Variants in TBC1D15 observed in about 807,000 individuals in gnomAD.
TBC1D15 encodes GAP for RAB7.
Under a neutral mutation model 95.4 loss-of-function variants are expected in TBC1D15, and 39 were observed. The ratio of observed to expected loss-of-function variants is 0.41; its 90% CI spans 0.32 to 0.53. TBC1D15 has a LOEUF of 0.53. TBC1D15 is among the 20% of genes least tolerant of loss of function. The pLI is 0.29. For synonymous variants in TBC1D15, 258 were observed against 261.3 expected, an observed-to-expected ratio of 0.99 and a Z score of 0.12; for missense variants, 733 against 794.3, an observed-to-expected ratio of 0.92 and a Z score of 0.93.
intron 1 of TBC1D15, among the ~76,000 whole-genome samples, chr12:71,848,368 A>G (rs1486113773): frequency 6.6e-6 from 1 of 152,188 alleles, no homozygotes; most frequent in Non-Finnish European, 1.5e-5. Context: ...CAGTCATTTT[A>G]ATTTTAGCCA....
At chr12:71,880,708 G>T (rs1039415130) in intron 4 of TBC1D15, 101 bp downstream of exon 4, 2 of 1,294,408 alleles carry the variant, frequency 1.5e-6, no homozygotes, top group Non-Finnish European at 2.0e-6. Context: ...TGAGAAGGAT[G>T]ATTAATTTCT....
intron 1 of TBC1D15, chr12:71,849,367 A>G: frequency 7.2e-7 from 1 of 1,392,098 alleles, no homozygotes; most frequent in Admixed American, 1.7e-5. Flanking sequence ...TTGTCCAAGG[A>G]ATGAAAGCAG....
rs1331478937 is a variant in TBC1D15, at chr12:71,849,604, G to C, written c.30+9793G>C. On this transcript the variant is annotated intron_variant, in intron 1 of 16. Coordinates refer to ENST00000485960, the MANE Select transcript of TBC1D15 (RefSeq NM_001146213.3). ...ATAATACTTTGTGAATCATCAGTCA[G>C]TACCGTAAGCTCCTAAGCTGCATTG... The C allele has an allele frequency of 8.1e-6, 5 of 616,998 alleles. No homozygotes were observed. In the Admixed American group the frequency reaches 1.1e-4, roughly 13 times the overall value. The allele number at this position is 616,998 out of a possible 1,614,324, so 38.2% of individuals were successfully genotyped here. A position where few individuals can be genotyped will look rare whatever the true frequency, so the allele number is the denominator to read the frequency against.
chr12:71,840,396 A>G (rs975978482), intron 1 of TBC1D15, among the ~76,000 whole-genome samples: 3 of 152,190 alleles, frequency 2.0e-5, no homozygotes, highest in African/African-American at 7.2e-5. Flanking sequence ...GATTTACACC[A>G]TCCTGTGCTT....
chr12:71,907,127 A>C lies in TBC1D15; in HGVS notation c.1289A>C (p.Asp430Ala). 6.3e-7 allele frequency: 1 copy of C among 1,586,368 alleles called. No homozygotes were observed. Among genetic ancestry groups the C allele is most frequent in the Non-Finnish European group, 8.6e-7 (1 of 1,161,050 alleles). Residue 430 changes from aspartate (D) to alanine (A), a missense_variant, in exon 11 of 17, where the codon GAT (aspartate) becomes GCT (alanine). Asp to Ala is a moderately radical substitution (Grantham distance 126). Transcript: ENST00000485960. ...HDILMTYCMY[D>A]FDLGYVQGMS... ...ATTTTGATGACCTACTGTATGTATG[A>C]TTTTGATTTAGGTAAGTTCTCTAAA...
chr12:71,915,927 TC>T (rs1283731168), intron 12 of TBC1D15, among the ~76,000 whole-genome samples: 3 of 152,138 alleles, frequency 2.0e-5, no homozygotes, highest in African/African-American at 4.8e-5. Flanking sequence ...GTTTCTTGAT[TC>T]TGTGTTTCTG....
At chr12:71,912,071 C>T (rs1483093251) in intron 11 of TBC1D15, among the ~76,000 whole-genome samples, 3 of 152,156 alleles carry the variant, frequency 2.0e-5, no homozygotes, top group South Asian at 2.1e-4. Flanking sequence ...AGTACTCTTG[C>T]ACTTTGTTGA....
chr12:71,918,751 C>T (rs994776427), intron 14 of TBC1D15, among the ~76,000 whole-genome samples: 6 of 152,182 alleles, frequency 3.9e-5, no homozygotes, highest in African/African-American at 1.4e-4. Flanking sequence ...CTTCAAATCA[C>T]AATCTCTGTG....
In TBC1D15 at chr12:71,923,083, C is replaced by T. The variant is rs1029350500; in HGVS notation, c.1904C>T (p.Pro635Leu). 1.9e-6 allele frequency: 3 copies of T among 1,614,154 alleles called. No individual in the cohort carries two copies. Among genetic ancestry groups the T allele is most frequent in the East Asian group, 4.5e-5 (2 of 44,876 alleles). ...GAAGACGAAAATGTTGTCATGACTC[C>T]TTGTCCTACATCTGCATTTCAAAGT... ...VGEDENVVMT[P>L]CPTSAFQSNA... The change falls in exon 17 of 17, where the codon CCT (proline) becomes CTT (leucine). Residue 635 changes from proline to leucine, a missense_variant. Physicochemically the swap from Pro to Leu is moderately conservative, Grantham distance 98 (BLOSUM62 -3). Coordinates refer to ENST00000485960, the MANE Select transcript of TBC1D15 (RefSeq NM_001146213.3).
Position 71,921,434 on chromosome 12 carries a change from C to G in TBC1D15, c.1783C>G (p.Leu595Val). 6.4e-7 allele frequency: 1 copy of G among 1,566,214 alleles called. No homozygotes were observed. Among genetic ancestry groups the G allele is most frequent in the South Asian group, 1.2e-5 (1 of 83,480 alleles). Reference sequence around the variant, plus strand: ...ACTCTGCAAGGCAGAAGCAATTTCTCTACAGATGGTAAAATGCAAGGTATA... The same window carrying G: ...ACTCTGCAAGGCAGAAGCAATTTCTGTACAGATGGTAAAATGCAAGGTATA... ...DILCKAEAIS[L>V]QMVKCKELPQ... Residue 595 changes from leucine to valine, a missense_variant, in exon 16 of 17, where the codon CTA (leucine) becomes GTA (valine). Transcript: ENST00000485960.
At chr12:71,843,327 T>A (rs1885537582) in intron 1 of TBC1D15, among the ~76,000 whole-genome samples, 1 of 152,162 alleles carries the variant, frequency 6.6e-6, no homozygotes, top group Non-Finnish European at 1.5e-5. Flanking sequence ...TTTTCTTAAT[T>A]AGAATTTGTG....
intron 1 of TBC1D15, chr12:71,850,284 A>T: frequency 4.0e-6 from 2 of 503,968 alleles, no homozygotes; most frequent in East Asian, 4.9e-5. Flanking sequence ...TGTCATGGTA[A>T]ATACTGGGGC....
chr12:71,921,140 G>C (rs151327642), intron 15 of TBC1D15, among the ~76,000 whole-genome samples: 167 of 152,278 alleles, frequency 1.1e-3, no homozygotes, highest in African/African-American at 3.7e-3. Flanking sequence ...ACTTGGAATA[G>C]CTGCTGGATT....
At chr12:71,858,010 A>G (rs1312940260) in intron 1 of TBC1D15, among the ~76,000 whole-genome samples, 2 of 152,104 alleles carry the variant, frequency 1.3e-5, no homozygotes, top group Non-Finnish European at 2.9e-5. Flanking sequence ...ACTGCAAACG[A>G]CAGGATTTTT....
chr12:71,845,474 A>G (rs757625445), intron 1 of TBC1D15, among the ~76,000 whole-genome samples: 3 of 152,188 alleles, frequency 2.0e-5, no homozygotes, highest in Non-Finnish European at 2.9e-5. Context: ...GGTGGATGAG[A>G]TATCTTTGAC....
At chr12:71,911,607 A>G (rs1308481347) in intron 11 of TBC1D15, among the ~76,000 whole-genome samples, 20 of 118,210 alleles carry the variant, frequency 1.7e-4, no homozygotes, top group Admixed American at 1.5e-3. Context: ...GGAACATCAC[A>G]CTCTGGGGAC....
At position 71,859,839 on chromosome 12, in the gene TBC1D15, A is replaced by G. The variant is rs377420324; in HGVS notation, c.31-12231A>G. ...TTGGCCAGGCTGGTCTTGAACTCCC[A>G]GCCTCAGGTGAGCTGCCTGACTTGG... On this transcript the variant is annotated intron_variant, in intron 1 of 16. Transcript: ENST00000485960. Among the ~76,000 whole-genome samples the G allele has an allele frequency of 8.5e-5, 13 of 152,188 alleles. No homozygotes were observed. In the East Asian group the frequency reaches 1.4e-3, roughly 16 times the overall value.
chr12:71,902,554 C>T (rs1200781853), intron 10 of TBC1D15, among the ~76,000 whole-genome samples: 2 of 152,136 alleles, frequency 1.3e-5, no homozygotes, highest in African/African-American at 2.4e-5. Flanking sequence ...GGACCCCTAC[C>T]TTTCACCATA....
Position 71,846,408 on chromosome 12 carries a change from A to G in TBC1D15, c.30+6597A>G, listed in dbSNP as rs140751380. ...AGAATATTCCTTCTTTACCTTTTCA[A>G]TAATTTTGCCAGGTACAGACAAGCA... On this transcript the variant is annotated intron_variant, in intron 1 of 16. Transcript: ENST00000485960. Among the ~76,000 whole-genome samples, 382 of 152,312 alleles carry G rather than the reference A, an allele frequency of 2.5e-3. 1 individual carries two copies. The highest frequency in any genetic ancestry group is 8.9e-3 in the African/African-American group (371 of 41,570).
Sources: gnomAD v4.1 joint callset for allele counts (sites outside exome capture counted in the v4.1 genomes callset) on GRCh38, gnomAD v4.1.1 for gene constraint, MANE v1.5 for transcripts, NCBI Gene and HGNC (gene_info 2026-07-23, HGNC 2026-07-21) for gene names.